Variants in SLIRP observed in about 807,000 individuals in gnomAD.
The protein encoded by SLIRP is SRA stem-loop-interacting RNA-binding protein, mitochondrial.
In SLIRP, 12 loss-of-function variants were observed where a neutral mutation model predicts 13.4. The ratio of observed to expected loss-of-function variants is 0.89; its 90% CI spans 0.57 to 1.45. The LOEUF is 1.45. Among genes scored for constraint, SLIRP ranks in the 40% most tolerant of loss-of-function variants. SLIRP has a pLI of 0.00. For missense variants in SLIRP, 154 were observed against 132.2 expected, an observed-to-expected ratio of 1.17 and a Z score of -0.81; for synonymous variants, 55 against 47.1, an observed-to-expected ratio of 1.17 and a Z score of -0.69.
At chr14:77,710,313 G>A (rs1360339137) in intron 1 of SLIRP, among the ~76,000 whole-genome samples, 1 of 151,908 alleles carries the variant, frequency 6.6e-6, no homozygotes, top group Non-Finnish European at 1.5e-5. Flanking sequence ...GGAGGGGAGA[G>A]AACAACATAT....
At chr14:77,710,747 A>G (rs1447177891) in intron 1 of SLIRP, 91 bp from the exon 2 acceptor site, 4 of 1,587,182 alleles carry the variant, frequency 2.5e-6, no homozygotes, top group East Asian at 4.5e-5. Context: ...GTTCCTGTCC[A>G]CAAGAAATCT....
rs1566820130 is a variant in SLIRP at position 77,708,116 on chromosome 14, C to T, written c.5C>T (p.Ala2Val). 1.2e-6 allele frequency: 2 copies of T among 1,613,944 alleles called. No homozygotes were observed. The highest frequency in any genetic ancestry group is 1.7e-6 in the Non-Finnish European group (2 of 1,179,986). Residue 2 changes from alanine to valine, a missense_variant, in exon 1 of 4, where the codon GCG becomes GTG. Transcript: ENST00000557342. The part of the protein sequence containing the change: M[A>V]ASAARGAAAL... ...AGAAGGTGCTTTAGTCTGAAGATGGCGGCCTCAGCAGCGAGAGGTGCTGCG... is the reference window on the plus strand; with the variant it reads ...AGAAGGTGCTTTAGTCTGAAGATGGTGGCCTCAGCAGCGAGAGGTGCTGCG...
At chr14:77,713,786 A>G (rs2080457213) in intron 2 of SLIRP, among the ~76,000 whole-genome samples, 1 of 152,228 alleles carries the variant, frequency 6.6e-6, no homozygotes, top group Admixed American at 6.5e-5. Flanking sequence ...TATTATGGAC[A>G]TGAAATATTT....
intron 2 of SLIRP, among the ~76,000 whole-genome samples, chr14:77,712,723 G>A (rs1278301934): frequency 6.6e-6 from 1 of 152,170 alleles, no homozygotes; most frequent in Admixed American, 6.5e-5. Context: ...TGGGATTACA[G>A]GTGTGAGCCT....
intron 2 of SLIRP, among the ~76,000 whole-genome samples, chr14:77,714,600 T>TA (rs1404391739): frequency 6.6e-6 from 1 of 152,220 alleles, no homozygotes; most frequent in Non-Finnish European, 1.5e-5. Flanking sequence ...GCCTATGTTT[T>TA]AATATAAACA....
chr14:77,715,699 G>T (rs1328111883), intron 2 of SLIRP, 73 bp from the exon 3 acceptor site: 15 of 1,237,952 alleles, frequency 1.2e-5, no homozygotes, highest in Non-Finnish European at 1.6e-5. Context: ...GAAAAAGTTG[G>T]TAGTTTGATT....
At chr14:77,716,327 AAACAAAAC>A (rs1336845459) in intron 3 of SLIRP, 2 of 118,200 alleles carry the variant, frequency 1.7e-5, no homozygotes, top group Admixed American at 1.9e-4. Flanking sequence ...ACAAACAAAC[AAACAAAAC>A]AACAACAAAA....
Position 77,715,808 on chromosome 14 carries a change from G to A in SLIRP, c.193G>A (p.Val65Ile). 3.7e-6 allele frequency: 6 copies of A among 1,614,048 alleles called. No homozygotes were observed. Among genetic ancestry groups the A allele is most frequent in the Non-Finnish European group, 5.1e-6 (6 of 1,179,990 alleles). The change falls in exon 3 of 4, where the codon GTT (valine) becomes ATT (isoleucine). Residue 65 changes from valine (V) to isoleucine (I), a missense_variant. Transcript: ENST00000557342. ...TGGCTTTCACAGAGGTTTGGGTTGG[G>A]TTCAGTTTTCTTCAGAAGAAGGACT... is the stretch of plus-strand genomic sequence containing the variant. ...ETGFHRGLGWVQFSSEEGLRN... is the reference protein window; with the variant it reads ...ETGFHRGLGWIQFSSEEGLRN...
At chr14:77,712,978 C>T (rs176950) in intron 2 of SLIRP, among the ~76,000 whole-genome samples, 99,449 of 151,710 alleles carry the variant, frequency 0.66, 32,825 homozygotes, top group African/African-American at 0.72. Context: ...CCATTACTTT[C>T]GCTGTATTCT....
chr14:77,715,377 C>G (rs1220965430), intron 2 of SLIRP, among the ~76,000 whole-genome samples: 1 of 152,098 alleles, frequency 6.6e-6, no homozygotes, highest in East Asian at 1.9e-4. Flanking sequence ...GGCATGGTGG[C>G]TTATGCCTGT....
intron 2 of SLIRP, among the ~76,000 whole-genome samples, 154 bp downstream of exon 2, chr14:77,711,050 G>A (rs534553614): frequency 1.3e-5 from 2 of 152,010 alleles, no homozygotes; most frequent in East Asian, 3.9e-4. Context: ...TGGATTATTT[G>A]TAACTCAAAG....
chr14:77,715,728 T>C (rs760496069), intron 2 of SLIRP, 44 bp from the exon 3 acceptor site: 2 of 1,521,778 alleles, frequency 1.3e-6, no homozygotes, highest in Admixed American at 2.0e-5. Flanking sequence ...ATGGAAACTT[T>C]CTGAAGTTCA....
chr14:77,715,656 A>C (rs1490593494), intron 2 of SLIRP, 116 bp from the exon 3 acceptor site: 9 of 836,078 alleles, frequency 1.1e-5, no homozygotes, highest in Admixed American at 2.7e-5. Context: ...AAATAAAATA[A>C]AATTAAATTA....
At chr14:77,711,278 T>C (rs956230746) in intron 2 of SLIRP, among the ~76,000 whole-genome samples, 3 of 149,288 alleles carry the variant, frequency 2.0e-5, no homozygotes, top group Admixed American at 6.7e-5. Context: ...CAAATAAATA[T>C]ATACACCTAC....
chr14:77,714,233 C>T (rs1385100049), intron 2 of SLIRP, among the ~76,000 whole-genome samples: 3 of 152,082 alleles, frequency 2.0e-5, no homozygotes, highest in Non-Finnish European at 4.4e-5. Flanking sequence ...TCTCGAGCTC[C>T]CGCACTCAAG....
intron 2 of SLIRP, among the ~76,000 whole-genome samples, chr14:77,714,014 C>T (rs7156905): frequency 0.13 from 18,688 of 143,944 alleles, 1,476 homozygotes; most frequent in African/African-American, 0.23. Flanking sequence ...AGTTGGAAAT[C>T]CTGGTTCCTT....
At chr14:77,712,646 A>G (rs987965276) in intron 2 of SLIRP, among the ~76,000 whole-genome samples, 4 of 152,056 alleles carry the variant, frequency 2.6e-5, no homozygotes, top group Non-Finnish European at 4.4e-5. Flanking sequence ...GAGTTTCGCT[A>G]TGTTGGCCAG....
chr14:77,708,366 C>T (rs1428876793), intron 1 of SLIRP, among the ~76,000 whole-genome samples, 158 bp downstream of exon 1: 1 of 152,178 alleles, frequency 6.6e-6, no homozygotes, highest in East Asian at 1.9e-4. Flanking sequence ...TGCAGTTAAC[C>T]GTTTAGGGAT....
At chr14:77,710,475 T>G in intron 1 of SLIRP, 1 of 858,204 alleles carries the variant, frequency 1.2e-6, no homozygotes. Flanking sequence ...TAAGTTGGGA[T>G]TTTATTTGGA....
Sources: allele counts gnomAD v4.1 joint callset (sites outside exome capture counted in the v4.1 genomes callset), GRCh38; gene constraint gnomAD v4.1.1; transcripts MANE v1.5; gene names NCBI Gene and HGNC (gene_info 2026-07-23, HGNC 2026-07-21).